The following STK32B variants were observed in gnomAD, a reference collection of about 807,000 sequenced individuals.
STK32B encodes the protein serine/threonine-protein kinase 32B.
A neutral mutation model predicts 52.6 loss-of-function variants in STK32B; 43 were observed. The ratio of observed to expected loss-of-function variants is 0.82; its 90% CI spans 0.64 to 1.05. The LOEUF (loss-of-function observed/expected upper bound fraction) is 1.05. Among genes scored for constraint, STK32B ranks in the 50% least tolerant of loss-of-function variants. STK32B has a pLI of 0.00. For missense variants in STK32B, 621 were observed against 534.6 expected (o/e 1.16, Z -1.59); for synonymous variants, 238 against 204.3 (o/e 1.17, Z -1.41).
chr4:5,060,809 T>C (rs1388116354), intron 1 of STK32B, among the ~76,000 whole-genome samples: 3 of 152,232 alleles, frequency 2.0e-5, no homozygotes, highest in Non-Finnish European at 4.4e-5. Context: ...CAGGTTTTTT[T>C]CTTCAGCATT....
chr4:5,087,791 G>A (rs569905348), intron 1 of STK32B, among the ~76,000 whole-genome samples: 3 of 151,668 alleles, frequency 2.0e-5, no homozygotes, highest in African/African-American at 2.4e-5. Flanking sequence ...GCCCCAAGAC[G>A]TATGAAGCAA....
Position 5,500,628 on chromosome 4 carries a change from A to G in STK32B, c.*1545A>G, listed in dbSNP as rs1720650494. On this transcript the variant is annotated 3_prime_UTR_variant, in exon 12 of 12. Transcript: ENST00000282908. ...TGTCATCTCTTAGATTTCTTAAAAG[A>G]CATTTTAATGTATGGTTAGGTTTTA... 6.6e-6 allele frequency: 1 copy of G among 152,234 alleles called. No individual in the cohort carries two copies. The allele number at this position is 152,234 out of a possible 1,614,324, so 9.4% of individuals were successfully genotyped here. A position where few individuals can be genotyped will look rare whatever the true frequency, so the allele number is the denominator to read the frequency against.
chr4:5,401,741 GAGGGGGGA>G (rs1157763385), intron 5 of STK32B, among the ~76,000 whole-genome samples: 1 of 152,230 alleles, frequency 6.6e-6, no homozygotes, highest in African/African-American at 2.4e-5. Flanking sequence ...GACATAGAGG[GAGGGGGGA>G]AGCAATTGTA....
In STK32B at chr4:5,134,179, T is replaced by A. The variant is rs571818926; in HGVS notation, c.53-5726T>A. ...TGTGGAAGGGCATCGCAGGCCCAGA[T>A]TTTTTTGGCAAATCTTCCAATTTCT... On this transcript the variant is annotated intron_variant, in intron 1 of 11. Transcript: ENST00000282908. Among the ~76,000 whole-genome samples the A allele has an allele frequency of 4.6e-5, 7 of 152,276 alleles. No individual in the cohort carries two copies. In the South Asian group the frequency reaches 1.0e-3, roughly 23 times the overall value.
intron 4 of STK32B, among the ~76,000 whole-genome samples, chr4:5,373,207 A>T (rs989182262): frequency 6.6e-6 from 1 of 152,190 alleles, no homozygotes; most frequent in African/African-American, 2.4e-5. Flanking sequence ...AGGATTCTCC[A>T]GAGAAACAGA....
At chr4:5,385,762 C>T (rs1286480680) in intron 4 of STK32B, among the ~76,000 whole-genome samples, 3 of 152,094 alleles carry the variant, frequency 2.0e-5, no homozygotes, top group African/African-American at 7.2e-5. Context: ...GCTGCTCCAC[C>T]TCTCCTGGCC....
chr4:5,120,253 T>C (rs1298306125), intron 1 of STK32B, among the ~76,000 whole-genome samples: 1 of 152,090 alleles, frequency 6.6e-6, no homozygotes, highest in Non-Finnish European at 1.5e-5. Context: ...CTGAATCAGA[T>C]TGATTGATAC....
intron 4 of STK32B, among the ~76,000 whole-genome samples, chr4:5,352,089 T>C (rs7691769): frequency 0.35 from 53,231 of 151,832 alleles, 11,854 homozygotes; most frequent in African/African-American, 0.64. Context: ...CTCCCTAACA[T>C]ATTCTATGAG....
At chr4:5,483,776 TG>T in intron 11 of STK32B, among the ~76,000 whole-genome samples, 1 of 152,368 alleles carries the variant, frequency 6.6e-6, no homozygotes, top group Non-Finnish European at 1.5e-5. Context: ...CTAGAGATTC[TG>T]GTATGTTGTG....
intron 1 of STK32B, among the ~76,000 whole-genome samples, chr4:5,115,824 T>C (rs1714685276): frequency 6.6e-6 from 1 of 152,178 alleles, no homozygotes; most frequent in Non-Finnish European, 1.5e-5. Flanking sequence ...AAGGTGAAAA[T>C]GCTTTCTGAA....
rs570774281 is a variant in STK32B at position 5,195,261 on chromosome 4, C to T, written c.260+26811C>T. On this transcript the variant is annotated intron_variant, in intron 3 of 11. Transcript: ENST00000282908. ...TGCCAATATATTCTTCAAGATAGGGCTATGGCTGTTTGCTCACATAGAAGT... is the reference window on the plus strand; with the variant it reads ...TGCCAATATATTCTTCAAGATAGGGTTATGGCTGTTTGCTCACATAGAAGT... Among the ~76,000 whole-genome samples, 4 of 152,260 alleles carry T rather than the reference C, an allele frequency of 2.6e-5. No homozygotes were observed. In the South Asian group the frequency reaches 6.2e-4, roughly 24 times the overall value.
At chr4:5,314,694 T>C (rs1375512560) in intron 3 of STK32B, among the ~76,000 whole-genome samples, 2 of 152,024 alleles carry the variant, frequency 1.3e-5, no homozygotes, top group Non-Finnish European at 2.9e-5. Flanking sequence ...AAATGGATCA[T>C]GGATTGGAGT....
chr4:5,203,650 G>A (rs529638064), intron 3 of STK32B, among the ~76,000 whole-genome samples: 41 of 152,194 alleles, frequency 2.7e-4, no homozygotes, highest in African/African-American at 9.9e-4. Context: ...TGCCTGATAC[G>A]GCGCACAGTA....
chr4:5,398,327 TC>T lies in STK32B; in HGVS notation c.472+84del. On this transcript the variant is annotated intron_variant, in intron 5 of 11. Transcript: ENST00000282908. This position sits in a 1 kb window ranked among gnomAD's most constrained non-coding sequence, Gnocchi z 4.9. ...AAATAGTGCGGGGGTGGGGGTTGGGTCTTGCTGAGTTGGACATTAGCATTGG... is the reference window on the plus strand; with the variant it reads ...AAATAGTGCGGGGGTGGGGGTTGGGTTTGCTGAGTTGGACATTAGCATTGG... The T allele has an allele frequency of 1.4e-6, 2 of 1,465,022 alleles. No homozygotes were observed. Among genetic ancestry groups the T allele is most frequent in the Non-Finnish European group, 1.9e-6 (2 of 1,054,562 alleles). The allele number at this position is 1,465,022 out of a possible 1,614,324, so 90.8% of individuals were successfully genotyped here. A position where few individuals can be genotyped will look rare whatever the true frequency, so the allele number is the denominator to read the frequency against.
Position 5,317,244 on chromosome 4 carries a change from TTA to T in STK32B, c.261-13969_261-13968del, listed in dbSNP as rs1426596899. 6.3e-5 allele frequency among the ~76,000 whole-genome samples: 3 copies of T among 47,964 alleles called. 1 individual carries two copies. Among genetic ancestry groups the T allele is most frequent in the African/African-American group, 5.3e-4 (2 of 3,776 alleles). The allele number at this position is 47,964 out of a possible 152,430, so 31.5% of individuals were successfully genotyped here. A position where few individuals can be genotyped will look rare whatever the true frequency, so the allele number is the denominator to read the frequency against. ...ATATATTATATATAACATATATATA[TTA>T]TATATAACATATAACATATATATAA... On this transcript the variant is annotated intron_variant, in intron 3 of 11. Coordinates refer to ENST00000282908, the MANE Select transcript of STK32B (RefSeq NM_018401.3).
intron 3 of STK32B, among the ~76,000 whole-genome samples, chr4:5,203,355 C>T (rs963458882): frequency 1.3e-5 from 2 of 151,674 alleles, no homozygotes; most frequent in African/African-American, 4.8e-5. Context: ...ACAATTTTTG[C>T]CCATTCTATT....
chr4:5,101,401 A>C lies in STK32B; in HGVS notation c.53-38504A>C, dbSNP rs553375771. ...AAGAAAGGAGAAAGTGGGAAGAGGCAGGAGAAGAAGAAAAATAAAAGAAAA... is the reference window on the plus strand; with the variant it reads ...AAGAAAGGAGAAAGTGGGAAGAGGCCGGAGAAGAAGAAAAATAAAAGAAAA... On this transcript the variant is annotated intron_variant, in intron 1 of 11. Transcript: ENST00000282908. Among the ~76,000 whole-genome samples the C allele has an allele frequency of 5.3e-5, 8 of 152,344 alleles. No individual in the cohort carries two copies. In the East Asian group the frequency reaches 1.5e-3, roughly 29 times the overall value.
rs62298536 is a variant in STK32B at position 5,202,322 on chromosome 4, G to A, written c.260+33872G>A. On this transcript the variant is annotated intron_variant, in intron 3 of 11. Coordinates refer to ENST00000282908, the MANE Select transcript of STK32B (RefSeq NM_018401.3). Reference sequence around the variant, plus strand: ...GGTTGGGCTCCCAAGGCCTTGGGCCGCTCTGCCCCTGTGGCTTTTGAGGGT... The same window carrying A: ...GGTTGGGCTCCCAAGGCCTTGGGCCACTCTGCCCCTGTGGCTTTTGAGGGT... Among the ~76,000 whole-genome samples the A allele has an allele frequency of 4.5e-3, 690 of 152,282 alleles. 6 individuals are homozygous for A. The highest frequency in any genetic ancestry group is 0.024 in the Middle Eastern group (7 of 294).
In STK32B at chr4:5,394,572, A is replaced by G. The variant is rs1409884976; in HGVS notation, c.435-3635A>G. On this transcript the variant is annotated intron_variant, in intron 4 of 11. Coordinates refer to ENST00000282908, the MANE Select transcript of STK32B (RefSeq NM_018401.3). This position sits in a 1 kb window ranked among gnomAD's most constrained non-coding sequence, Gnocchi z 4.2. ...TGCCCAGCAGTCTCCTGTGAAAGAGACCTAATTTGCTAAAGGCTCAAGAAT... is the reference window on the plus strand; with the variant it reads ...TGCCCAGCAGTCTCCTGTGAAAGAGGCCTAATTTGCTAAAGGCTCAAGAAT... Among the ~76,000 whole-genome samples, 2 of 152,162 alleles carry G rather than the reference A, an allele frequency of 1.3e-5. No homozygotes were observed. Among genetic ancestry groups the G allele is most frequent in the Non-Finnish European group, 2.9e-5 (2 of 68,028 alleles).
Sources: gnomAD v4.1 joint callset for allele counts (sites outside exome capture counted in the v4.1 genomes callset) on GRCh38, gnomAD v4.1.1 for gene constraint, Gnocchi (gnomAD v3.1) non-coding constraint, MANE v1.5 for transcripts, NCBI Gene and HGNC (gene_info 2026-07-23, HGNC 2026-07-21) for gene names.